PDE7B: variants seen among roughly 807,000 people sequenced by gnomAD.
PDE7B encodes the protein 3',5'-cyclic-AMP phosphodiesterase 7B.
A neutral mutation model predicts 56.2 loss-of-function variants in PDE7B; 29 were observed. That is an observed-to-expected ratio of 0.52 (90% CI 0.38 to 0.70). PDE7B has a LOEUF of 0.70. PDE7B is among the 30% of genes least tolerant of loss of function. The probability of loss-of-function intolerance (pLI) is 0.00; values close to 1 mark genes in which losing one functional copy is unlikely to be tolerated. For missense variants in PDE7B, 490 were observed against 565.0 expected (o/e 0.87, Z 1.35); for synonymous variants, 197 against 196.9 (o/e 1.00, Z 0.00).
At chr6:136,175,217 CAGA>C (rs1778957702) in intron 9 of PDE7B, among the ~76,000 whole-genome samples, 1 of 151,990 alleles carries the variant, frequency 6.6e-6, no homozygotes, top group Non-Finnish European at 1.5e-5. Context: ...TTGTTTTTGC[CAGA>C]AGAATAATTG....
chr6:136,000,726 T>C (rs978169329), intron 2 of PDE7B, among the ~76,000 whole-genome samples: 18 of 152,272 alleles, frequency 1.2e-4, no homozygotes, highest in Middle Eastern at 3.4e-3. Flanking sequence ...TTGCCTTGGC[T>C]AAGGAGGCCT....
chr6:136,138,170 G>T (rs1040000453), intron 3 of PDE7B, among the ~76,000 whole-genome samples: 1 of 152,134 alleles, frequency 6.6e-6, no homozygotes, highest in Non-Finnish European at 1.5e-5. Flanking sequence ...TTTACAAGAG[G>T]AATTTAGCGA....
chr6:135,913,597 A>C (rs1212575920), intron 1 of PDE7B, among the ~76,000 whole-genome samples: 1 of 152,194 alleles, frequency 6.6e-6, no homozygotes, highest in Non-Finnish European at 1.5e-5. Context: ...ACCTTGATTC[A>C]AAAAGAGTTC....
At chr6:135,873,450 G>A (rs1017889788) in intron 1 of PDE7B, among the ~76,000 whole-genome samples, 7 of 152,010 alleles carry the variant, frequency 4.6e-5, no homozygotes, top group African/African-American at 1.4e-4. Context: ...GGAGTTTTTG[G>A]CTAAATTGTT....
rs183522523 is a variant in PDE7B at position 135,937,987 on chromosome 6, G to A, written c.22-9477G>A. ...CCCATTATGGTTTTAGGGTATATAA[G>A]ATGGTTTCTCATATATTACATTTCT... On this transcript the variant is annotated intron_variant, in intron 1 of 12. Transcript: ENST00000308191. Among the ~76,000 whole-genome samples, 143 of 152,312 alleles carry A rather than the reference G, an allele frequency of 9.4e-4. 1 individual carries two copies. Among genetic ancestry groups the A allele is most frequent in the African/African-American group, 3.3e-3 (136 of 41,564 alleles).
At chr6:136,153,986 T>G in intron 6 of PDE7B, 89 bp from the exon 7 acceptor site, 1 of 807,508 alleles carries the variant, frequency 1.2e-6, no homozygotes, top group East Asian at 2.6e-5. Context: ...CACTGATATT[T>G]TTAAGCAAAA....
intron 2 of PDE7B, among the ~76,000 whole-genome samples, chr6:136,085,282 A>G (rs565358069): frequency 2.6e-5 from 4 of 152,362 alleles, no homozygotes; most frequent in East Asian, 1.9e-4. Context: ...TGGGTCTACC[A>G]ATGTTTCCTG....
At chr6:136,136,366 A>G (rs1778211177) in intron 3 of PDE7B, among the ~76,000 whole-genome samples, 1 of 152,096 alleles carries the variant, frequency 6.6e-6, no homozygotes, top group Admixed American at 6.6e-5. Flanking sequence ...ACTTTGTGGA[A>G]ATTCAAAGAA....
At chr6:136,166,659 C>A (rs1253868117) in intron 8 of PDE7B, among the ~76,000 whole-genome samples, 1 of 152,112 alleles carries the variant, frequency 6.6e-6, no homozygotes, top group Non-Finnish European at 1.5e-5. Flanking sequence ...GGTGCCAAAT[C>A]ATTCATGAGA....
rs910423102 is a variant in PDE7B, at chr6:136,004,154, C to G, written c.82+56630C>G. Among the ~76,000 whole-genome samples the G allele has an allele frequency of 2.4e-3, 359 of 150,226 alleles. 1 individual carries two copies. Among genetic ancestry groups the G allele is most frequent in the African/African-American group, 6.7e-3 (274 of 40,942 alleles). On this transcript the variant is annotated intron_variant, in intron 2 of 12. Coordinates refer to ENST00000308191, the MANE Select transcript of PDE7B (RefSeq NM_018945.4). ...AAGGCCTTTGACAAAATTCAACAAC[C>G]CTTCATGCTAAAAACTCTCAATAAA...
chr6:136,112,627 T>A (rs1037338772), intron 3 of PDE7B: 3 of 152,138 alleles, frequency 2.0e-5, no homozygotes, highest in Non-Finnish European at 4.4e-5. Flanking sequence ...TTTTTTTTTT[T>A]CTGTTCAGTT....
At chr6:135,875,472 A>G (rs775469763) in intron 1 of PDE7B, among the ~76,000 whole-genome samples, 2 of 152,162 alleles carry the variant, frequency 1.3e-5, no homozygotes, top group African/African-American at 2.4e-5. Flanking sequence ...AATATAAGAA[A>G]CTTACTGAAA....
At chr6:136,073,466 G>A (rs1461193799) in intron 2 of PDE7B, among the ~76,000 whole-genome samples, 1 of 152,186 alleles carries the variant, frequency 6.6e-6, no homozygotes, top group East Asian at 1.9e-4. Context: ...CAGGCTGAAA[G>A]TCCAGGATCA....
At chr6:136,071,028 A>G (rs1315791520) in intron 2 of PDE7B, among the ~76,000 whole-genome samples, 10 of 152,076 alleles carry the variant, frequency 6.6e-5, no homozygotes, top group African/African-American at 1.9e-4. Flanking sequence ...TTTCCCAAGT[A>G]TTCCAAACCC....
At chr6:136,054,789 G>A (rs1776700103) in intron 2 of PDE7B, among the ~76,000 whole-genome samples, 1 of 152,138 alleles carries the variant, frequency 6.6e-6, no homozygotes, top group African/African-American at 2.4e-5. Context: ...ACATGGCTAG[G>A]GAGGCCTCAC....
rs1472318482 is a variant in PDE7B, at chr6:136,151,179, G to A, written c.402G>A (p.Leu134=). 1 of 1,607,308 alleles carries A rather than the reference G, an allele frequency of 6.2e-7. No individual in the cohort carries two copies. Among genetic ancestry groups the A allele is most frequent in the East Asian group, 2.2e-5 (1 of 44,826 alleles). ...CTGCAGGAAACAGCCTGGTAACACT[G>A]TTGTGCCACCTCTTCAATACCCATG... ...RLTNGNSLVT[L]LCHLFNTHGL... is the part of the protein sequence containing the mutation. The change falls in exon 6 of 13, where the codon CTG becomes CTA. Residue 134 remains leucine (L), a synonymous_variant. Transcript: ENST00000308191.
chr6:136,168,096 T>C (rs1003806435), intron 8 of PDE7B, among the ~76,000 whole-genome samples: 1 of 152,162 alleles, frequency 6.6e-6, no homozygotes, highest in African/African-American at 2.4e-5. Context: ...TGTTTGCAGA[T>C]AATAAACCAC....
At position 136,193,422 on chromosome 6, in the gene PDE7B, A is replaced by G. The variant is rs1779261365; in HGVS notation, c.*1582A>G. The G allele has an allele frequency of 6.7e-6, 1 of 149,164 alleles. No homozygotes were observed. Among genetic ancestry groups the G allele is most frequent in the African/African-American group, 2.6e-5 (1 of 38,112 alleles). The allele number at this position is 149,164 out of a possible 1,614,324, so 9.2% of individuals were successfully genotyped here. ...ACAGACTTTACCTTCCTGGCAGGTC[A>G]TTGTAGTTAATTATGTCTCTAGCTT... On this transcript the variant is annotated 3_prime_UTR_variant, in exon 13 of 13. Coordinates refer to ENST00000308191, the MANE Select transcript of PDE7B (RefSeq NM_018945.4).
Position 135,890,790 on chromosome 6 carries a change from A to G in PDE7B, c.21+38771A>G, listed in dbSNP as rs542739386. On this transcript the variant is annotated intron_variant, in intron 1 of 12. Coordinates refer to ENST00000308191, the MANE Select transcript of PDE7B (RefSeq NM_018945.4). ...GGAAATGCAGAAACTGCTAATGGGA[A>G]AACGAGCATGGTCCATATAGGACTC... Among the ~76,000 whole-genome samples, 5 of 152,324 alleles carry G rather than the reference A, an allele frequency of 3.3e-5. No homozygotes were observed. The South Asian group carries it at 1.0e-3, about 32-fold the overall frequency.
Sources: gnomAD v4.1 joint callset for allele counts (sites outside exome capture counted in the v4.1 genomes callset) on GRCh38, gnomAD v4.1.1 for gene constraint, MANE v1.5 for transcripts, NCBI Gene and HGNC (gene_info 2026-07-23, HGNC 2026-07-21) for gene names.